The following FBXO5 variants were observed in gnomAD, a reference collection of about 807,000 sequenced individuals.
The protein encoded by FBXO5 is F-box only protein 5.
In FBXO5, 8 loss-of-function variants were observed where a neutral mutation model predicts 43.3. The ratio of observed to expected loss-of-function variants is 0.18; its 90% confidence interval spans 0.11 to 0.33. FBXO5 has a LOEUF of 0.33. Among genes scored for constraint, FBXO5 ranks in the 10% least tolerant of loss-of-function variants. FBXO5 has a pLI of 1.00. For missense variants in FBXO5, 491 were observed against 535.7 expected, an observed-to-expected ratio of 0.92 and a Z score of 0.82; for synonymous variants, 204 against 193.7, an observed-to-expected ratio of 1.05 and a Z score of -0.44.
Position 152,982,870 on chromosome 6 carries a change from A to AG in FBXO5, c.89dup (p.Arg31SerfsTer5), listed in dbSNP as rs1315547924. Reference sequence around the variant, plus strand: ...CCCCTCACTCACTATCCGAGGGTCGAGGGCGCCCGGCGGCTGTCACTGCGC... The same window carrying AG: ...CCCCTCACTCACTATCCGAGGGTCGAGGGGCGCCCGGCGGCTGTCACTGCGC... On this transcript the variant is annotated frameshift_variant, in exon 1 of 5. Coordinates refer to ENST00000229758, the MANE Select transcript of FBXO5 (RefSeq NM_012177.5). LOFTEE classifies it high-confidence loss of function. 1 of 1,511,016 alleles carries AG rather than the reference A, an allele frequency of 6.6e-7. No homozygotes were observed. Among genetic ancestry groups the AG allele is most frequent in the Non-Finnish European group, 8.8e-7 (1 of 1,136,420 alleles). 93.6% of individuals were successfully genotyped at this position (1,511,016 alleles called of 1,614,324 possible).
intron 2 of FBXO5, chr6:152,973,709 A>T (rs1319389810): frequency 6.6e-6 from 1 of 152,346 alleles, no homozygotes; most frequent in Non-Finnish European, 1.5e-5. Flanking sequence ...TAAAAATACA[A>T]AAATTAGCTG....
chr6:152,971,370 A>T lies in FBXO5; in HGVS notation c.1137T>A (p.Ile379=). Residue 379 remains isoleucine, a synonymous_variant, in exon 5 of 5, where the codon ATT becomes ATA. Transcript: ENST00000229758. The stretch of plus-strand genomic sequence containing the variant: ...CATATTTTGCAGGTGAATTACAGCG[A>T]ATACAGGCTTTGAGGCTTTCGTTCT... ...LKKNESLKAC[I]RCNSPAKYDC... 6.2e-7 allele frequency: 1 copy of T among 1,613,906 alleles called. No individual in the cohort carries two copies. The highest frequency in any genetic ancestry group is 1.1e-5 in the South Asian group (1 of 91,024).
In FBXO5 at chr6:152,975,472, C is replaced by T. The variant is rs773527517; in HGVS notation, c.253G>A (p.Asp85Asn). 9 of 1,614,050 alleles carry T rather than the reference C, an allele frequency of 5.6e-6. No homozygotes were observed. Among genetic ancestry groups the T allele is most frequent in the Admixed American group, 1.7e-5 (1 of 60,030 alleles). ...TPAYLEGSCK[D>N]CIKDYERLSC... ...AGCCTTTCATAGTCTTTAATGCAGT[C>T]TTTACAGGAACCTTCCAAATATGCA... The change falls in exon 2 of 5, where the codon GAC (aspartate) becomes AAC (asparagine). Residue 85 changes from aspartate (D) to asparagine (N), a missense_variant. Transcript: ENST00000229758.
chr6:152,982,095 CCA>C (rs1342978833), intron 1 of FBXO5, among the ~76,000 whole-genome samples: 1 of 152,238 alleles, frequency 6.6e-6, no homozygotes, highest in Non-Finnish European at 1.5e-5. Context: ...CCTTTCCACT[CCA>C]GGCCCTGAGA....
Position 152,973,084 on chromosome 6 carries a change from C to A in FBXO5, c.871G>T (p.Ala291Ser). The change falls in exon 3 of 5, where the codon GCA becomes TCA. Residue 291 changes from alanine (A) to serine (S), a missense_variant. Coordinates refer to ENST00000229758, the MANE Select transcript of FBXO5 (RefSeq NM_012177.5). ...WKKILEDDKGAFQLYSKAIQR... is the reference protein window; with the variant it reads ...WKKILEDDKGSFQLYSKAIQR... The stretch of plus-strand genomic sequence containing the variant: ...ATTGCTTTACTGTACAACTGGAATG[C>A]CCCCTTATCATCTTCTAGGATCTTC... 1 of 1,613,892 alleles carries A rather than the reference C, an allele frequency of 6.2e-7. No homozygotes were observed.
intron 3 of FBXO5, chr6:152,972,818 G>C: frequency 2.1e-6 from 1 of 486,914 alleles, no homozygotes; most frequent in Non-Finnish European, 3.6e-6. Context: ...TGAGAAATGA[G>C]TAATTTTCCC....
intron 2 of FBXO5, 119 bp from the exon 3 acceptor site, chr6:152,973,255 C>T: frequency 2.6e-6 from 2 of 765,122 alleles, no homozygotes; most frequent in Non-Finnish European, 2.1e-6. Context: ...GCTTCTCAAA[C>T]CTGACCACAT....
chr6:152,972,238 ATGTTT>A (rs775948513), intron 4 of FBXO5, 29 bp downstream of exon 4: 5 of 1,503,374 alleles, frequency 3.3e-6, no homozygotes, highest in African/African-American at 2.8e-5. Context: ...TAAATCTCTT[ATGTTT>A]TAAGATTTAT....
chr6:152,981,245 G>C (rs550353950), intron 1 of FBXO5, among the ~76,000 whole-genome samples: 2 of 152,176 alleles, frequency 1.3e-5, no homozygotes, highest in East Asian at 3.9e-4. Context: ...CCAACTCCCA[G>C]CCCAGTCATA....
intron 3 of FBXO5, chr6:152,972,691 A>T: frequency 2.0e-6 from 1 of 500,758 alleles, no homozygotes; most frequent in South Asian, 3.1e-5. Flanking sequence ...CTTTAGATGC[A>T]GTCTATATGG....
rs1462175409 is a variant in FBXO5 at position 152,971,330 on chromosome 6, G to A, written c.1177C>T (p.Arg393Trp). ...SPAKYDCYLQ[R>W]ATCKREGCGF... ...CAGCCTTCTCGTTTGCAGGTTGCCC[G>A]TTGTAAATAGCAATCATATTTTGCA... The change falls in exon 5 of 5, where the codon CGG becomes TGG. Residue 393 changes from arginine (R) to tryptophan (W), a missense_variant. Arg to Trp is a moderately radical substitution (Grantham distance 101). Coordinates refer to ENST00000229758, the MANE Select transcript of FBXO5 (RefSeq NM_012177.5). 5 of 1,613,660 alleles carry A rather than the reference G, an allele frequency of 3.1e-6. No homozygotes were observed. Among genetic ancestry groups the A allele is most frequent in the East Asian group, 4.5e-5 (2 of 44,872 alleles).
intron 1 of FBXO5, among the ~76,000 whole-genome samples, chr6:152,979,138 C>T (rs1181207705): frequency 6.6e-6 from 1 of 152,214 alleles, no homozygotes; most frequent in Non-Finnish European, 1.5e-5. Flanking sequence ...ATGCATGTCA[C>T]AACAAATTAA....
At position 152,978,376 on chromosome 6, in the gene FBXO5, TTGGGGGG is replaced by T. The variant is rs1207419305; in HGVS notation, c.104-2762_104-2756del. The stretch of plus-strand genomic sequence containing the variant: ...CATTAATCATGGAGAGCTTCATTTT[TTGGGGGG>T]GGGGGGGGGGCGGGGGACTTCTCAG... On this transcript the variant is annotated intron_variant, in intron 1 of 4. Coordinates refer to ENST00000229758, the MANE Select transcript of FBXO5 (RefSeq NM_012177.5). 6.0e-3 allele frequency among the ~76,000 whole-genome samples: 34 copies of T among 5,654 alleles called. 1 individual carries two copies. Among genetic ancestry groups the T allele is most frequent in the Admixed American group, 9.5e-3 (6 of 634 alleles). 3.7% of individuals were successfully genotyped at this position (5,654 alleles called of 152,430 possible).
chr6:152,973,793 T>C (rs975955011), intron 2 of FBXO5: 3 of 152,150 alleles, frequency 2.0e-5, no homozygotes, highest in Admixed American at 1.3e-4. Flanking sequence ...GAGGCAGAGG[T>C]TGCAGTGAGC....
At position 152,982,883 on chromosome 6, in the gene FBXO5, G is replaced by C. The variant is rs1465806947; in HGVS notation, c.77C>G (p.Ala26Gly). 2.0e-6 allele frequency: 3 copies of C among 1,512,060 alleles called. No individual in the cohort carries two copies. The Admixed American group carries it at 6.0e-5, about 30-fold the overall frequency. 93.7% of individuals were successfully genotyped at this position (1,512,060 alleles called of 1,614,324 possible). A position where few individuals can be genotyped will look rare whatever the true frequency, so the allele number is the denominator to read the frequency against. Residue 26 changes from alanine (A) to glycine (G), a missense_variant, in exon 1 of 5, where the codon GCC becomes GGC. By Grantham distance (60) the Ala-to-Gly change is moderately conservative. Transcript: ENST00000229758. ...SCSASPSAVTAAGRPRPSDSC... is the reference protein window; with the variant it reads ...SCSASPSAVTGAGRPRPSDSC... ...ATCCGAGGGTCGAGGGCGCCCGGCG[G>C]CTGTCACTGCGCTGGGGCTGGCGCT...
At chr6:152,979,177 C>A (rs929928819) in intron 1 of FBXO5, among the ~76,000 whole-genome samples, 20 of 152,118 alleles carry the variant, frequency 1.3e-4, no homozygotes, top group African/African-American at 4.6e-4. Flanking sequence ...TAACTAAAAT[C>A]CCTATTTTAT....
Position 152,971,110 on chromosome 6 carries a change from C to T in FBXO5, c.*53G>A. ...AATACAATTTTTTTTAAGTTAAAAC[C>T]TAACATTTTCTAACTAACATTCATG... On this transcript the variant is annotated 3_prime_UTR_variant, in exon 5 of 5. Coordinates refer to ENST00000229758, the MANE Select transcript of FBXO5 (RefSeq NM_012177.5). 1.3e-6 allele frequency: 2 copies of T among 1,506,500 alleles called. No individual in the cohort carries two copies. The highest frequency in any genetic ancestry group is 8.9e-7 in the Non-Finnish European group (1 of 1,125,402). The allele number at this position is 1,506,500 out of a possible 1,614,324, so 93.3% of individuals were successfully genotyped here.
intron 2 of FBXO5, among the ~76,000 whole-genome samples, chr6:152,974,453 C>A (rs73634608): frequency 0.014 from 2,169 of 152,172 alleles, 37 homozygotes; most frequent in African/African-American, 0.043. Context: ...GATCCTAATC[C>A]AACAGAAATA....
In FBXO5 at chr6:152,982,918, G is replaced by A; in HGVS notation, c.42C>T (p.Arg14=). The A allele has an allele frequency of 6.8e-7, 1 of 1,473,364 alleles. No individual in the cohort carries two copies. The highest frequency in any genetic ancestry group is 1.3e-5 in the South Asian group (1 of 75,964). The allele number at this position is 1,473,364 out of a possible 1,614,324, so 91.3% of individuals were successfully genotyped here. A position where few individuals can be genotyped will look rare whatever the true frequency, so the allele number is the denominator to read the frequency against. Residue 14 remains arginine (R), a synonymous_variant, in exon 1 of 5, where the codon CGC becomes CGT. Transcript: ENST00000229758. The part of the protein sequence containing the change: ...RPCSCALRPP[R]CSCSASPSAV... ...CGCTGGGGCTGGCGCTGCAGGAGCA[G>A]CGGGGTGGCCGTAGGGCGCAGCTGC...
Sources: gnomAD v4.1 joint callset for allele counts (sites outside exome capture counted in the v4.1 genomes callset) on GRCh38, gnomAD v4.1.1 for gene constraint, MANE v1.5 for transcripts, NCBI Gene and HGNC (gene_info 2026-07-23, HGNC 2026-07-21) for gene names.